Variants in ATP8B3 observed in about 807,000 individuals in gnomAD.
ATP8B3 encodes the protein phospholipid-transporting ATPase IK.
ATP8B3 carries 141 observed loss-of-function variants against 140.9 expected under a neutral mutation model. The observed-to-expected ratio is 1.00, with a 90% confidence interval of 0.87 to 1.15. ATP8B3 has a LOEUF of 1.15. Ranked by LOEUF, ATP8B3 falls within the 50% of genes most tolerant of loss-of-function variation. ATP8B3 has a pLI of 0.00. For missense variants in ATP8B3, 1,874 were observed against 1,740.6 expected, an observed-to-expected ratio of 1.08 and a Z score of -1.36; for synonymous variants, 765 against 714.6, an observed-to-expected ratio of 1.07 and a Z score of -1.13.
chr19:1,798,582 CAAA>C (rs1402241452), intron 14 of ATP8B3, among the ~76,000 whole-genome samples: 1 of 151,616 alleles, frequency 6.6e-6, no homozygotes, highest in African/African-American at 2.4e-5. Flanking sequence ...ATTAAAAATA[CAAA>C]AAATTAGCCG....
In ATP8B3 at chr19:1,782,807, T is replaced by C. The variant is rs1264269453; in HGVS notation, c.*221A>G. On this transcript the variant is annotated 3_prime_UTR_variant, in exon 29 of 29. Transcript: ENST00000310127. Reference sequence around the variant, plus strand: ...CCTCTGCTTGGGTGACAATGACCTCTCCTGTGCCCTTGGCAATTGCTCTTG... The same window carrying C: ...CCTCTGCTTGGGTGACAATGACCTCCCCTGTGCCCTTGGCAATTGCTCTTG... 3.3e-6 allele frequency: 2 copies of C among 598,294 alleles called. No individual in the cohort carries two copies. The highest frequency in any genetic ancestry group is 5.8e-6 in the Non-Finnish European group (2 of 343,622). The allele number at this position is 598,294 out of a possible 1,614,324, so 37.1% of individuals were successfully genotyped here.
In ATP8B3 at chr19:1,809,747, AG is replaced by A; in HGVS notation, c.311-14del. 6.3e-7 allele frequency: 1 copy of A among 1,598,284 alleles called. No homozygotes were observed. The highest frequency in any genetic ancestry group is 8.5e-7 in the Non-Finnish European group (1 of 1,172,532). ...TTCCAGGTGAATGCTGCAGCGAGAG[AG>A]CCGGGCGTCGCTGGAGCTCGAGGCC... is the stretch of plus-strand genomic sequence containing the variant. On this transcript the variant is annotated splice_polypyrimidine_tract_variant and intron_variant, in intron 3 of 28. Transcript: ENST00000310127.
rs1195859211 is a variant in ATP8B3 at position 1,782,350 on chromosome 19, G to C, written c.*678C>G. 2 of 293,824 alleles carry C rather than the reference G, an allele frequency of 6.8e-6. No individual in the cohort carries two copies. Among genetic ancestry groups the C allele is most frequent in the Non-Finnish European group, 1.3e-5 (2 of 158,832 alleles). The allele number at this position is 293,824 out of a possible 1,614,324, so 18.2% of individuals were successfully genotyped here. On this transcript the variant is annotated 3_prime_UTR_variant, in exon 29 of 29. Transcript: ENST00000310127. ...GCAATGACTGCTCCTCTGGGGGCAA[G>C]GATAGCTGCTCCTCCCCGGGCACCA... is the stretch of plus-strand genomic sequence containing the variant.
intron 14 of ATP8B3, 143 bp downstream of exon 14, chr19:1,799,804 A>G: frequency 2.3e-6 from 2 of 877,456 alleles, no homozygotes; most frequent in Non-Finnish European, 3.5e-6. Context: ...TCCAAAGGAA[A>G]CCAGGCCATC....
At chr19:1,802,411 A>ACCCCC in intron 11 of ATP8B3, 76 bp downstream of exon 11, 1 of 183,862 alleles carries the variant, frequency 5.4e-6, no homozygotes, top group Non-Finnish European at 1.1e-5. Flanking sequence ...CCACCTACCC[A>ACCCCC]CCCACCCATC....
In ATP8B3 at chr19:1,800,905, A is replaced by T. The variant is rs370895782; in HGVS notation, c.1153-456T>A. Among the ~76,000 whole-genome samples, 3,965 of 146,706 alleles carry T rather than the reference A, an allele frequency of 0.027. 177 individuals are homozygous for T. Among genetic ancestry groups the T allele is most frequent in the African/African-American group, 0.095 (3,763 of 39,556 alleles). Reference sequence around the variant, plus strand: ...GTGCAGTGGCGCGATCTTGGCTCACAGCAAGCTCCGCCTCCCGGGTTCACA... The same window carrying T: ...GTGCAGTGGCGCGATCTTGGCTCACTGCAAGCTCCGCCTCCCGGGTTCACA... On this transcript the variant is annotated intron_variant, in intron 12 of 28. Transcript: ENST00000310127. The surrounding 1 kb of genome is among the most constrained non-coding windows in gnomAD (Gnocchi z 4.4).
chr19:1,785,013 C>G, intron 27 of ATP8B3, 67 bp from the exon 28 acceptor site: 1 of 1,542,590 alleles, frequency 6.5e-7, no homozygotes, highest in Non-Finnish European at 8.7e-7. Context: ...GGCTAGGGAG[C>G]GCCTTGGTGC....
chr19:1,790,052 G>T, intron 21 of ATP8B3, 63 bp from the exon 22 acceptor site: 1 of 1,300,766 alleles, frequency 7.7e-7, no homozygotes, highest in Non-Finnish European at 1.1e-6. Flanking sequence ...TTCCCCGGGG[G>T]CTCCACTGCC....
Position 1,807,753 on chromosome 19 carries a change from T to C in ATP8B3, c.516+469A>G, listed in dbSNP as rs2069070904. 6.6e-6 allele frequency among the ~76,000 whole-genome samples: 1 copy of C among 152,114 alleles called. No individual in the cohort carries two copies. The highest frequency in any genetic ancestry group is 2.4e-5 in the African/African-American group (1 of 41,418). On this transcript the variant is annotated intron_variant, in intron 5 of 28. Transcript: ENST00000310127. The surrounding 1 kb of genome is among the most constrained non-coding windows in gnomAD (Gnocchi z 5.9). ...ACAGAAATGAGATGTTGGGTGAGAGTGTTTGCTCTGAAAACAGCGCCCCTG... is the reference window on the plus strand; with the variant it reads ...ACAGAAATGAGATGTTGGGTGAGAGCGTTTGCTCTGAAAACAGCGCCCCTG...
chr19:1,792,114 G>A lies in ATP8B3; in HGVS notation c.2077C>T (p.Arg693Trp), dbSNP rs750034095. The change falls in exon 19 of 29, where the codon CGG becomes TGG. Residue 693 changes from arginine to tryptophan, a missense_variant. Coordinates refer to ENST00000310127, the MANE Select transcript of ATP8B3 (RefSeq NM_138813.4). ...ALAAFAQETL[R>W]TLCLAYREVA... is the part of the protein sequence containing the mutation. The stretch of plus-strand genomic sequence containing the variant: ...TCCCTGTAGGCCAGGCACAGTGTCC[G>A]CAGGGTCTCCTGGGCAAAGGCCTGG... The A allele has an allele frequency of 1.5e-5, 23 of 1,578,106 alleles. No homozygotes were observed. The highest frequency in any genetic ancestry group is 6.9e-5 in the East Asian group (3 of 43,562).
intron 14 of ATP8B3, chr19:1,799,632 CAG>C (rs2068779911): frequency 1.9e-6 from 1 of 527,078 alleles, no homozygotes; most frequent in African/African-American, 2.0e-5. Context: ...GGTGTGGTGG[CAG>C]GTGCCTGTAA....
Position 1,783,266 on chromosome 19 carries a change from T to A in ATP8B3, c.3665A>T (p.Glu1222Val), listed in dbSNP as rs760517942. 6.2e-7 allele frequency: 1 copy of A among 1,606,892 alleles called. No individual in the cohort carries two copies. The highest frequency in any genetic ancestry group is 1.3e-5 in the African/African-American group (1 of 74,882). Residue 1222 changes from glutamate (E) to valine (V), a missense_variant, in exon 29 of 29, where the codon GAG (glutamate) becomes GTG (valine). Physicochemically the swap from Glu to Val is moderately radical, Grantham distance 121. Around this residue, in one of 3 missense-constraint regions of ATP8B3, gnomAD observed 840 missense variants for 760.9 expected, o/e 1.10. Coordinates refer to ENST00000310127, the MANE Select transcript of ATP8B3 (RefSeq NM_138813.4). ...PALKELRAKE[E>V]KVEEGPSEEI... ...CTCGCTGGGGCCCTCCTCCACCTTC[T>A]CCTCCTGAAGAGCAAAGGGGAGAGC...
intron 16 of ATP8B3, 82 bp from the exon 17 acceptor site, chr19:1,796,347 C>T: frequency 7.7e-7 from 1 of 1,293,538 alleles, no homozygotes; most frequent in Non-Finnish European, 1.1e-6. Flanking sequence ...ATGGGTATCG[C>T]CTGGGCTACA....
rs1293217438 is a variant in ATP8B3, at chr19:1,789,307, G to A, written c.2845+54C>T. ...TCCCCCCAGTCCCACCACCGCCTCC[G>A]TCAGCCGCCCCCCACTCGTCCCAGG... On this transcript the variant is annotated intron_variant, in intron 23 of 28. Transcript: ENST00000310127. 4.6e-5 allele frequency: 53 copies of A among 1,144,386 alleles called. No homozygotes were observed. The Middle Eastern group carries it at 9.5e-4, about 21-fold the overall frequency. The allele number at this position is 1,144,386 out of a possible 1,614,324, so 70.9% of individuals were successfully genotyped here.
rs750854961 is a variant in ATP8B3 at position 1,790,804 on chromosome 19, G to T, written c.2331C>A (p.Cys777Ter). The change falls in exon 21 of 29, where the codon TGC (cysteine) becomes TGA (stop). Residue 777 changes from cysteine (C) to a stop codon, truncating the protein, a stop_gained. Coordinates refer to ENST00000310127, the MANE Select transcript of ATP8B3 (RefSeq NM_138813.4). LOFTEE classifies it high-confidence loss of function. ...QETAVNIGFA[C>*]ELLSENMLIL... is the part of the protein sequence containing the mutation. ...TGAGCATATTCTCTGACAGCAGCTC[G>T]CAGGCGAAGCCGATGTTCACAGCCG... is the stretch of plus-strand genomic sequence containing the variant. 1.2e-5 allele frequency: 20 copies of T among 1,604,162 alleles called. No homozygotes were observed. Among genetic ancestry groups the T allele is most frequent in the Middle Eastern group, 1.6e-4 (1 of 6,074 alleles).
At chr19:1,790,861 G>C in intron 20 of ATP8B3, 29 bp from the exon 21 acceptor site, 1 of 1,567,930 alleles carries the variant, frequency 6.4e-7, no homozygotes, top group Non-Finnish European at 8.6e-7. Context: ...CAGCGCCTCT[G>C]CGACCCGCCC....
chr19:1,794,978 C>T lies in ATP8B3; in HGVS notation c.2055+897G>A, dbSNP rs1409390365. The stretch of plus-strand genomic sequence containing the variant: ...CAAATGAGAAAAATACACCCTTGGC[C>T]GGGCGCGGTGGCCTACGCCTGTAAT... On this transcript the variant is annotated intron_variant, in intron 18 of 28. Transcript: ENST00000310127. The surrounding 1 kb of genome is among the most constrained non-coding windows in gnomAD (Gnocchi z 4.8). Among the ~76,000 whole-genome samples the T allele has an allele frequency of 1.3e-5, 2 of 152,230 alleles. No individual in the cohort carries two copies. Among genetic ancestry groups the T allele is most frequent in the South Asian group, 2.1e-4 (1 of 4,826 alleles).
chr19:1,801,911 C>A lies in ATP8B3; in HGVS notation c.1152+45G>T, dbSNP rs1304055682. On this transcript the variant is annotated intron_variant, in intron 12 of 28. Transcript: ENST00000310127. The stretch of plus-strand genomic sequence containing the variant: ...CTGGAAGATGACATCCCTGACCCTG[C>A]ACTCCTCTGTGTTCCTGGGGCAGGG... 3 of 1,440,846 alleles carry A rather than the reference C, an allele frequency of 2.1e-6. No individual in the cohort carries two copies. The East Asian group carries it at 6.8e-5, about 33-fold the overall frequency. 89.3% of individuals were successfully genotyped at this position (1,440,846 alleles called of 1,614,324 possible).
At chr19:1,796,380 A>T in intron 16 of ATP8B3, 115 bp from the exon 17 acceptor site, 1 of 1,058,756 alleles carries the variant, frequency 9.4e-7, no homozygotes, top group Non-Finnish European at 1.3e-6. Flanking sequence ...GTGGCCGGGG[A>T]CCCCCGCCTG....
Sources: allele counts gnomAD v4.1 joint callset (sites outside exome capture counted in the v4.1 genomes callset), GRCh38; gene constraint gnomAD v4.1.1; regional missense constraint gnomAD v4.1.1; non-coding constraint Gnocchi (gnomAD v3.1); transcripts MANE v1.5; gene names NCBI Gene and HGNC (gene_info 2026-07-23, HGNC 2026-07-21).